The following NECAB3 variants were observed in gnomAD, a reference collection of about 807,000 sequenced individuals.
NECAB3 encodes N-terminal EF-hand calcium-binding protein 3.
Under a neutral mutation model 57.2 loss-of-function variants are expected in NECAB3, and 38 were observed. That is an observed-to-expected ratio of 0.66 (90% CI 0.51 to 0.87). The LOEUF (loss-of-function observed/expected upper bound fraction) is 0.87. Among genes scored for constraint, NECAB3 ranks in the 40% least tolerant of loss-of-function variants. NECAB3 has a pLI of 0.00. For synonymous variants in NECAB3, 223 were observed against 222.6 expected, an observed-to-expected ratio of 1.00 and a Z score of -0.02; for missense variants, 474 against 527.5, an observed-to-expected ratio of 0.90 and a Z score of 0.99.
At chr20:33,663,710 A>T (rs780785358) in intron 5 of NECAB3, 10 of 1,534,522 alleles carry the variant, frequency 6.5e-6, no homozygotes, top group Non-Finnish European at 7.8e-6. Context: ...CTGCGGCGGC[A>T]AGAGGCGCGG....
chr20:33,670,522 T>C (rs1019777977), intron 3 of NECAB3, 162 bp downstream of exon 3: 9 of 542,180 alleles, frequency 1.7e-5, no homozygotes, highest in Admixed American at 1.4e-4. Context: ...AGGCTGTAGC[T>C]GGAGAGGGGG....
chr20:33,674,528 G>T, upstream of NECAB3: 1 of 532,610 alleles, frequency 1.9e-6, no homozygotes, highest in Non-Finnish European at 2.4e-6. Flanking sequence ...CAACTCCAGC[G>T]CCGCGGGCCT....
At chr20:33,670,375 G>C in intron 3 of NECAB3, 2 of 334,540 alleles carry the variant, frequency 6.0e-6, no homozygotes, top group African/African-American at 2.1e-5. Context: ...CTGCATTCTC[G>C]GGTGGAAGCA....
At position 33,660,682 on chromosome 20, in the gene NECAB3, G is replaced by T. The variant is rs544108337; in HGVS notation, c.388-287C>A. 6.6e-6 allele frequency among the ~76,000 whole-genome samples: 1 copy of T among 152,332 alleles called. No homozygotes were observed. Among genetic ancestry groups the T allele is most frequent in the Admixed American group, 6.5e-5 (1 of 15,300 alleles). On this transcript the variant is annotated intron_variant, in intron 5 of 11. Coordinates refer to ENST00000246190, the MANE Select transcript of NECAB3 (RefSeq NM_031232.4). The surrounding 1 kb of genome is among the most constrained non-coding windows in gnomAD (Gnocchi z 4.1). ...ACCTCATGGCCCCTTCCCTGATGGG[G>T]CTACCACCTTCAGCACTGTCATAGC...
intron 5 of NECAB3, among the ~76,000 whole-genome samples, chr20:33,661,498 C>T (rs548686256): frequency 7.2e-5 from 11 of 152,330 alleles, no homozygotes; most frequent in Non-Finnish European, 1.2e-4. Flanking sequence ...TGGGTCTTTT[C>T]ATTCTCAGAC....
At position 33,660,414 on chromosome 20, in the gene NECAB3, C is replaced by T. The variant is rs550300422; in HGVS notation, c.388-19G>A. 17 of 1,610,036 alleles carry T rather than the reference C, an allele frequency of 1.1e-5. No homozygotes were observed. The highest frequency in any genetic ancestry group is 5.0e-5 in the Admixed American group (3 of 59,912). On this transcript the variant is annotated intron_variant, in intron 5 of 11. Transcript: ENST00000246190. The surrounding 1 kb of genome is among the most constrained non-coding windows in gnomAD (Gnocchi z 4.1). Reference sequence around the variant, plus strand: ...CGTACTCCTGTGGGCCAAGGAGGGACGGTCAGCATCTCCCAGCCCGGGCAC... The same window carrying T: ...CGTACTCCTGTGGGCCAAGGAGGGATGGTCAGCATCTCCCAGCCCGGGCAC...
At position 33,668,036 on chromosome 20, in the gene NECAB3, A is replaced by G; in HGVS notation, c.387+1339T>C. ...TTTCCTGGCTTCGCCGAGCGCCTGG[A>G]CAAGGAGCTGGAGGCGCAGTGCCGG... On this transcript the variant is annotated intron_variant, in intron 5 of 11. Transcript: ENST00000246190. The G allele has an allele frequency of 1.3e-6, 2 of 1,550,040 alleles. No homozygotes were observed. Among genetic ancestry groups the G allele is most frequent in the Admixed American group, 2.0e-5 (1 of 50,730 alleles).
intron 10 of NECAB3, among the ~76,000 whole-genome samples, 188 bp downstream of exon 10, chr20:33,658,289 C>T (rs1443361114): frequency 6.6e-6 from 1 of 152,190 alleles, no homozygotes; most frequent in Admixed American, 6.5e-5. Flanking sequence ...TTCCCAGTCA[C>T]CTCCTTTAGC....
At chr20:33,670,316 C>T (rs756386535) in intron 3 of NECAB3, 3 of 214,084 alleles carry the variant, frequency 1.4e-5, no homozygotes, top group Admixed American at 5.3e-5. Flanking sequence ...CCTGCCAAGA[C>T]GCGTAGATGT....
Position 33,660,321 on chromosome 20 carries a change from TTG to T in NECAB3, c.460_461del (p.Gln154SerfsTer59). 1 of 1,613,516 alleles carries T rather than the reference TTG, an allele frequency of 6.2e-7. No homozygotes were observed. Among genetic ancestry groups the T allele is most frequent in the Non-Finnish European group, 8.5e-7 (1 of 1,179,996 alleles). On this transcript the variant is annotated frameshift_variant, in exon 6 of 12. Coordinates refer to ENST00000246190, the MANE Select transcript of NECAB3 (RefSeq NM_031232.4). LOFTEE classifies it high-confidence loss of function. This position sits in a 1 kb window ranked among gnomAD's most constrained non-coding sequence, Gnocchi z 4.1. ...FLLRETVSQL[Q>X]ALQSSLEGAS... ...CCCCCTCCAGCGAGCTCTGAAGGGCTTGCAGCTGGCTCACCGTCTCCCGCAGC... is the reference window on the plus strand; with the variant it reads ...CCCCCTCCAGCGAGCTCTGAAGGGCTCAGCTGGCTCACCGTCTCCCGCAGC...
chr20:33,673,434 G>A (rs1354606103), intron 1 of NECAB3, among the ~76,000 whole-genome samples: 1 of 152,194 alleles, frequency 6.6e-6, no homozygotes, highest in African/African-American at 2.4e-5. Context: ...TAGGGTAGAT[G>A]GAGATCTTGG....
chr20:33,670,520 G>A (rs755938541), intron 3 of NECAB3, 164 bp downstream of exon 3: 1 of 539,526 alleles, frequency 1.9e-6, no homozygotes, highest in East Asian at 3.2e-5. Flanking sequence ...CAAGGCTGTA[G>A]CTGGAGAGGG....
At chr20:33,675,251 G>C (rs2017933157), upstream of NECAB3, 1 of 153,078 alleles carries the variant, frequency 6.5e-6, no homozygotes, top group African/African-American at 2.4e-5. Flanking sequence ...CATTTATGCA[G>C]ATCTCCTCTT....
At position 33,659,914 on chromosome 20, in the gene NECAB3, G is replaced by A; in HGVS notation, c.614C>T (p.Ser205Phe). The change falls in exon 7 of 12, where the codon TCC (serine) becomes TTC (phenylalanine). Residue 205 changes from serine to phenylalanine, a missense_variant. Physicochemically the swap from Ser to Phe is radical, Grantham distance 155. Coordinates refer to ENST00000246190, the MANE Select transcript of NECAB3 (RefSeq NM_031232.4). ...GTCAGAAGAGCCGGGGGACCAGGTG[G>A]ATGACCGGCTGACACTCCTCAGGGC... Reference protein sequence around the residue: ...RRALRSVSRSSTWSPGSSDTG... With the variant: ...RRALRSVSRSFTWSPGSSDTG... The A allele has an allele frequency of 6.5e-7, 1 of 1,548,120 alleles. No homozygotes were observed. Among genetic ancestry groups the A allele is most frequent in the Non-Finnish European group, 8.7e-7 (1 of 1,148,418 alleles).
In NECAB3 at chr20:33,671,771, G is replaced by A. The variant is rs575317706; in HGVS notation, c.154+627C>T. On this transcript the variant is annotated intron_variant, in intron 2 of 11. Transcript: ENST00000246190. Reference sequence around the variant, plus strand: ...TGAGACTGCCCAGGACCCAAGGCAGGAGGAGCCGACTCCTTTGGCACTGGA... The same window carrying A: ...TGAGACTGCCCAGGACCCAAGGCAGAAGGAGCCGACTCCTTTGGCACTGGA... Among the ~76,000 whole-genome samples, 57 of 152,312 alleles carry A rather than the reference G, an allele frequency of 3.7e-4. 1 individual carries two copies. The highest frequency in any genetic ancestry group is 7.2e-4 in the Non-Finnish European group (49 of 68,026).
rs778569911 is a variant in NECAB3, at chr20:33,657,979, C to T, written c.1125G>A (p.Leu375=). ...KAFQRILIDH[L]RAPDTLTTVF... ...CAGTGGTGAGGGTGTCCGGGGCCCG[C>T]AGGTGGTCGATGAGGATGCGCTGGA... Residue 375 remains leucine (L), a synonymous_variant, in exon 11 of 12, where the codon CTG becomes CTA. Transcript: ENST00000246190. 8 of 1,557,196 alleles carry T rather than the reference C, an allele frequency of 5.1e-6. No homozygotes were observed. The Admixed American group carries it at 1.5e-4, about 30-fold the overall frequency.
At chr20:33,662,129 GC>G in intron 5 of NECAB3, 1 of 567,826 alleles carries the variant, frequency 1.8e-6, no homozygotes, top group Non-Finnish European at 3.1e-6. Flanking sequence ...CACCTTACAT[GC>G]ATTGCCTCAT....
At chr20:33,665,478 A>AAACG (rs1188841309) in intron 5 of NECAB3, 1 of 151,928 alleles carries the variant, frequency 6.6e-6, no homozygotes, top group African/African-American at 2.4e-5. Context: ...CTCAAAAAAC[A>AAACG]AACAACACAA....
chr20:33,675,011 T>C (rs566793764), upstream of NECAB3, among the ~76,000 whole-genome samples: 5 of 152,040 alleles, frequency 3.3e-5, no homozygotes, highest in African/African-American at 1.2e-4. Context: ...CCTTGGCCCC[T>C]GAATAAAGCT....
Sources: gnomAD v4.1 joint callset for allele counts (sites outside exome capture counted in the v4.1 genomes callset) on GRCh38, gnomAD v4.1.1 for gene constraint, Gnocchi (gnomAD v3.1) non-coding constraint, MANE v1.5 for transcripts, NCBI Gene and HGNC (gene_info 2026-07-23, HGNC 2026-07-21) for gene names.